Variants in DCDC1 observed in about 807,000 individuals in gnomAD.
The protein encoded by DCDC1 is doublecortin domain containing 1, also known as doublecortin domain-containing protein 1.
DCDC1 carries 200 observed loss-of-function variants against 178.3 expected under a neutral mutation model. The ratio of observed to expected loss-of-function variants is 1.12; its 90% confidence interval spans 1.00 to 1.26. The LOEUF is 1.26. Ranked by LOEUF, DCDC1 falls within the 50% of genes most tolerant of loss-of-function variation. The pLI is 0.00. For missense variants in DCDC1, 1,983 were observed against 1,749.2 expected, an observed-to-expected ratio of 1.13 and a Z score of -2.38; for synonymous variants, 690 against 604.8, an observed-to-expected ratio of 1.14 and a Z score of -2.07.
rs1271643566 is a variant in DCDC1 at position 31,110,129 on chromosome 11, T to TG, written c.1587+130dup. 3.0e-5 allele frequency: 17 copies of TG among 567,020 alleles called. No homozygotes were observed. In the Admixed American group the frequency reaches 5.0e-4, roughly 17 times the overall value. The allele number at this position is 567,020 out of a possible 1,614,324, so 35.1% of individuals were successfully genotyped here. A position where few individuals can be genotyped will look rare whatever the true frequency, so the allele number is the denominator to read the frequency against. The stretch of plus-strand genomic sequence containing the variant: ...CCTAAGAAATTCAGAAGTAAATCTT[T>TG]GTGATATCAGTCTTTACAGATCAAC... On this transcript the variant is annotated intron_variant, in intron 12 of 38. Coordinates refer to ENST00000684477, the MANE Select transcript of DCDC1 (RefSeq NM_001387274.1).
chr11:31,102,770 A>T (rs936650623), intron 14 of DCDC1, among the ~76,000 whole-genome samples: 1 of 152,188 alleles, frequency 6.6e-6, no homozygotes, highest in Non-Finnish European at 1.5e-5. Context: ...TTTAAAATTC[A>T]GTTTTGCATT....
intron 3 of DCDC1, among the ~76,000 whole-genome samples, chr11:31,310,205 G>T (rs921158134): frequency 4.6e-5 from 7 of 151,668 alleles, no homozygotes; most frequent in African/African-American, 1.5e-4. Flanking sequence ...TGGGAGAAGG[G>T]GTAGTTTTTT....
At chr11:30,884,272 C>T (rs184340057) in intron 36 of DCDC1, among the ~76,000 whole-genome samples, 62 of 152,092 alleles carry the variant, frequency 4.1e-4, no homozygotes, top group South Asian at 1.7e-3. Flanking sequence ...TTCAATCAGT[C>T]CCCCCACCTC....
intron 34 of DCDC1, among the ~76,000 whole-genome samples, chr11:30,896,373 T>C (rs980947215): frequency 1.3e-5 from 2 of 152,212 alleles, no homozygotes; most frequent in African/African-American, 4.8e-5. Flanking sequence ...ATTTTTCTGA[T>C]TGGAAATTGG....
chr11:31,189,387 G>T (rs915886163), intron 9 of DCDC1, among the ~76,000 whole-genome samples: 1 of 152,096 alleles, frequency 6.6e-6, no homozygotes, highest in Non-Finnish European at 1.5e-5. Context: ...CCAATGTAAA[G>T]TTTAAACTAC....
At chr11:31,122,551 T>G (rs189141899) in intron 11 of DCDC1, among the ~76,000 whole-genome samples, 1 of 152,042 alleles carries the variant, frequency 6.6e-6, no homozygotes, top group Non-Finnish European at 1.5e-5. Context: ...TAATAAAATA[T>G]CTAATACTTT....
At chr11:31,093,395 C>T (rs539528072) in intron 16 of DCDC1, among the ~76,000 whole-genome samples, 1 of 152,046 alleles carries the variant, frequency 6.6e-6, no homozygotes, top group South Asian at 2.1e-4. Flanking sequence ...TCTGTGATGA[C>T]GGGACAAAGG....
chr11:31,176,594 C>T (rs2136253811), intron 9 of DCDC1, among the ~76,000 whole-genome samples: 1 of 152,194 alleles, frequency 6.6e-6, no homozygotes, highest in African/African-American at 2.4e-5. Context: ...CTGCCAGGCA[C>T]ATTATAATTA....
chr11:31,276,444 A>G (rs1489315051), intron 7 of DCDC1, among the ~76,000 whole-genome samples: 1 of 152,066 alleles, frequency 6.6e-6, no homozygotes, highest in East Asian at 1.9e-4. Flanking sequence ...TATTATGATT[A>G]TTTTGAGAAA....
At chr11:31,367,482 T>C (rs1952021044) in intron 1 of DCDC1, among the ~76,000 whole-genome samples, 1 of 152,190 alleles carries the variant, frequency 6.6e-6, no homozygotes, top group Admixed American at 6.5e-5. Context: ...TTTAAATGTT[T>C]AATGTATGGA....
At chr11:30,935,241 G>A (rs779000756) in intron 21 of DCDC1, among the ~76,000 whole-genome samples, 6 of 152,174 alleles carry the variant, frequency 3.9e-5, no homozygotes, top group Non-Finnish European at 5.9e-5. Flanking sequence ...CTGAAATTGG[G>A]TAGTCCATCA....
At chr11:31,236,603 G>T (rs1013699607) in intron 9 of DCDC1, among the ~76,000 whole-genome samples, 1 of 151,482 alleles carries the variant, frequency 6.6e-6, no homozygotes, top group Non-Finnish European at 1.5e-5. Context: ...CAAGTTTAAG[G>T]TTCTTAAAAT....
Position 30,982,497 on chromosome 11 carries a change from G to A in DCDC1, c.2592-29929C>T, listed in dbSNP as rs1209069597. Among the ~76,000 whole-genome samples the A allele has an allele frequency of 2.0e-5, 3 of 151,752 alleles. No individual in the cohort carries two copies. In the East Asian group the frequency reaches 5.8e-4, roughly 29 times the overall value. ...TTTTATGTAGCATTAAAGACCAAAG[G>A]AGCCTTAGGAATTAATTGCAGGCTT... On this transcript the variant is annotated intron_variant, in intron 20 of 38. Transcript: ENST00000684477.
chr11:30,992,302 G>A (rs1247846811), intron 20 of DCDC1, among the ~76,000 whole-genome samples: 1 of 152,150 alleles, frequency 6.6e-6, no homozygotes, highest in Non-Finnish European at 1.5e-5. Context: ...CCATGTAGCT[G>A]AGGGTTAACC....
Position 30,890,611 on chromosome 11 carries a change from T to TA in DCDC1, c.5082+2206dup, listed in dbSNP as rs1260823989. ...TCCCTATCATACAACTTTTCCTTAT[T>TA]AAAAAAATCTGGACTTACCGTAAAA... On this transcript the variant is annotated intron_variant, in intron 36 of 38. Transcript: ENST00000684477. 2.6e-5 allele frequency among the ~76,000 whole-genome samples: 4 copies of TA among 152,202 alleles called. No individual in the cohort carries two copies. In the East Asian group the frequency reaches 7.7e-4, roughly 29 times the overall value.
At chr11:31,188,053 C>T (rs1007014173) in intron 9 of DCDC1, among the ~76,000 whole-genome samples, 2 of 151,998 alleles carry the variant, frequency 1.3e-5, no homozygotes, top group Admixed American at 1.3e-4. Flanking sequence ...AGGATTCGAA[C>T]CTCTGAGCTC....
chr11:31,343,362 A>G (rs964006888), intron 1 of DCDC1, among the ~76,000 whole-genome samples: 1 of 152,188 alleles, frequency 6.6e-6, no homozygotes, highest in African/African-American at 2.4e-5. Context: ...GCTGGAGTAC[A>G]ATGGCACAAT....
At chr11:30,934,205 C>G (rs1947117534) in intron 21 of DCDC1, among the ~76,000 whole-genome samples, 1 of 152,080 alleles carries the variant, frequency 6.6e-6, no homozygotes, top group Non-Finnish European at 1.5e-5. Context: ...TGGTTTCGGG[C>G]CTTAAATTTA....
intron 37 of DCDC1, among the ~76,000 whole-genome samples, chr11:30,879,704 A>G (rs1056253838): frequency 3.3e-5 from 5 of 152,254 alleles, no homozygotes; most frequent in Non-Finnish European, 7.3e-5. Flanking sequence ...AATGGTAGAA[A>G]GAGCAATATT....
Sources: gnomAD v4.1 joint callset for allele counts (sites outside exome capture counted in the v4.1 genomes callset) on GRCh38, gnomAD v4.1.1 for gene constraint, MANE v1.5 for transcripts, NCBI Gene and HGNC (gene_info 2026-07-23, HGNC 2026-07-21) for gene names.